RBFOX1: variants seen among roughly 807,000 people sequenced by gnomAD.
RBFOX1 encodes RNA binding protein fox-1 homolog 1.
Under a neutral mutation model 57.7 loss-of-function variants are expected in RBFOX1, and 8 were observed. That is an observed-to-expected ratio of 0.14 (90% confidence interval 0.08 to 0.25). The LOEUF is 0.25. Among genes scored for constraint, RBFOX1 ranks in the 10% least tolerant of loss-of-function variants. The pLI is 1.00. For synonymous variants in RBFOX1, 326 were observed against 222.4 expected (o/e 1.47, Z -4.15); for missense variants, 611 against 548.5 (o/e 1.11, Z -1.14).
At chr16:5,965,533 C>G (rs1254058576) in intron 4 of RBFOX1, among the ~76,000 whole-genome samples, 2 of 152,174 alleles carry the variant, frequency 1.3e-5, no homozygotes, top group African/African-American at 4.8e-5. Context: ...ACACCTTCAC[C>G]TACAAAAGAA....
intron 3 of RBFOX1, among the ~76,000 whole-genome samples, chr16:5,772,492 GA>G (rs1365335199): frequency 1.3e-5 from 2 of 152,148 alleles, no homozygotes; most frequent in African/African-American, 4.8e-5. Flanking sequence ...AGTGTAACTT[GA>G]AAATTCAACC....
At chr16:6,905,200 C>G (rs1190671302) in intron 3 of RBFOX1, among the ~76,000 whole-genome samples, 2 of 151,858 alleles carry the variant, frequency 1.3e-5, no homozygotes, top group Admixed American at 6.6e-5. Context: ...CTCAATAACA[C>G]TTGTTCCTTA....
intron 1 of RBFOX1, among the ~76,000 whole-genome samples, chr16:6,295,346 G>C (rs200192204): frequency 2.0e-5 from 3 of 151,958 alleles, no homozygotes; most frequent in Admixed American, 2.0e-4. Context: ...GGATGGTCTC[G>C]ATCCCTTGAC....
At chr16:7,030,810 C>A (rs1289825408) in intron 3 of RBFOX1, among the ~76,000 whole-genome samples, 1 of 152,122 alleles carries the variant, frequency 6.6e-6, no homozygotes, top group Admixed American at 6.5e-5. Context: ...GAGGCAGGTC[C>A]AGGACTTGAC....
intron 1 of RBFOX1, among the ~76,000 whole-genome samples, chr16:6,024,704 C>T (rs369496099): frequency 3.3e-5 from 5 of 152,218 alleles, no homozygotes; most frequent in South Asian, 2.1e-4. Flanking sequence ...TGGTCTTAAA[C>T]GCCTGACCTC....
intron 14 of RBFOX1, among the ~76,000 whole-genome samples, chr16:7,701,965 C>A (rs982918933): frequency 6.6e-6 from 1 of 152,192 alleles, no homozygotes; most frequent in African/African-American, 2.4e-5. Flanking sequence ...GAAACCCTCT[C>A]AAATCTTTCT....
At position 7,651,147 on chromosome 16, in the gene RBFOX1, C is replaced by T. The variant is rs540347529; in HGVS notation, c.758-2668C>T. Among the ~76,000 whole-genome samples, 19 of 152,332 alleles carry T rather than the reference C, an allele frequency of 1.2e-4. No individual in the cohort carries two copies. In the South Asian group the frequency reaches 1.4e-3, roughly 12 times the overall value. On this transcript the variant is annotated intron_variant, in intron 11 of 15. Transcript: ENST00000550418. The stretch of plus-strand genomic sequence containing the variant: ...GAATCATTCTGGGTTCTACAATCCT[C>T]GTATTTTACCCGCATTGTGATAGAA...
At chr16:7,140,860 A>G (rs1367116408) in intron 4 of RBFOX1, among the ~76,000 whole-genome samples, 1 of 152,220 alleles carries the variant, frequency 6.6e-6, no homozygotes. Context: ...GCAGGATTTC[A>G]TGAAGCTCTT....
chr16:5,908,798 A>G (rs2343341), intron 4 of RBFOX1, among the ~76,000 whole-genome samples: 74,014 of 151,662 alleles, frequency 0.49, 18,944 homozygotes, highest in African/African-American at 0.64. Flanking sequence ...TGATGTGAGG[A>G]TGTTCAGAGG....
chr16:6,102,526 T>C (rs1388562019), intron 1 of RBFOX1, among the ~76,000 whole-genome samples: 1 of 151,772 alleles, frequency 6.6e-6, no homozygotes, highest in African/African-American at 2.4e-5. Flanking sequence ...GGCAGGTTGA[T>C]CTGGATGTTA....
At chr16:7,478,909 T>C (rs1029093363) in intron 4 of RBFOX1, among the ~76,000 whole-genome samples, 4 of 152,044 alleles carry the variant, frequency 2.6e-5, no homozygotes, top group Middle Eastern at 3.2e-3. Context: ...GTTAATTCGA[T>C]GAGTAAAGGG....
chr16:7,044,392 C>A (rs913583695), intron 3 of RBFOX1, among the ~76,000 whole-genome samples: 3 of 152,148 alleles, frequency 2.0e-5, no homozygotes, highest in African/African-American at 7.2e-5. Flanking sequence ...AGAGAGAACT[C>A]AAAGTCAGGA....
At chr16:6,327,167 A>C (rs959475817) in intron 2 of RBFOX1, among the ~76,000 whole-genome samples, 1 of 152,280 alleles carries the variant, frequency 6.6e-6, no homozygotes, top group Middle Eastern at 3.4e-3. Context: ...AGCTGTGGTC[A>C]TCATGGGCTT....
chr16:6,551,769 G>A (rs952938710), intron 2 of RBFOX1, among the ~76,000 whole-genome samples: 1 of 152,134 alleles, frequency 6.6e-6, no homozygotes, highest in Non-Finnish European at 1.5e-5. Context: ...CAGCTGAGAT[G>A]GTCCTTTTCC....
chr16:6,971,538 A>C (rs1170501244), intron 3 of RBFOX1, among the ~76,000 whole-genome samples: 1 of 151,830 alleles, frequency 6.6e-6, no homozygotes. Context: ...ACCACTGGAG[A>C]ATTTTGAGCA....
chr16:6,921,042 C>G (rs930740067), intron 3 of RBFOX1, among the ~76,000 whole-genome samples: 4 of 152,112 alleles, frequency 2.6e-5, no homozygotes, highest in African/African-American at 9.7e-5. Flanking sequence ...TGGTGAAGCC[C>G]ACAGACTATG....
In RBFOX1 at chr16:7,456,887, T is replaced by G. The variant is rs544624690; in HGVS notation, c.28-61260T>G. 7.7e-5 allele frequency among the ~76,000 whole-genome samples: 11 copies of G among 143,482 alleles called. No homozygotes were observed. In the South Asian group the frequency reaches 2.5e-3, roughly 32 times the overall value. 94.1% of individuals were successfully genotyped at this position (143,482 alleles called of 152,430 possible). ...TGGGTATTCTTCCACTCGGAAGGTGTACTTTTTTTCTTTTTTTTTTTGAAA... is the reference window on the plus strand; with the variant it reads ...TGGGTATTCTTCCACTCGGAAGGTGGACTTTTTTTCTTTTTTTTTTTGAAA... On this transcript the variant is annotated intron_variant, in intron 4 of 15. Coordinates refer to ENST00000550418, the MANE Select transcript of RBFOX1 (RefSeq NM_018723.4).
intron 3 of RBFOX1, among the ~76,000 whole-genome samples, chr16:6,967,366 GC>G (rs1227220387): frequency 2.0e-5 from 3 of 152,156 alleles, no homozygotes; most frequent in Admixed American, 6.5e-5. Context: ...TGTTCCTTGA[GC>G]AGGGAAGAGA....
chr16:6,726,324 T>C (rs1344457226), intron 3 of RBFOX1, among the ~76,000 whole-genome samples: 1 of 152,138 alleles, frequency 6.6e-6, no homozygotes, highest in Non-Finnish European at 1.5e-5. Flanking sequence ...TTCAAATTAC[T>C]ACCTGTAAAG....
Sources: allele counts gnomAD v4.1 joint callset (sites outside exome capture counted in the v4.1 genomes callset), GRCh38; gene constraint gnomAD v4.1.1; transcripts MANE v1.5; gene names NCBI Gene and HGNC (gene_info 2026-07-23, HGNC 2026-07-21).